The following KIF16B variants were observed in gnomAD, a reference collection of about 807,000 sequenced individuals.
KIF16B encodes the protein kinesin family member 16B.
In KIF16B, 98 loss-of-function variants were observed where a neutral mutation model predicts 156.3. The observed-to-expected ratio is 0.63, with a 90% CI of 0.53 to 0.74. The LOEUF is 0.74. Ranked by LOEUF, KIF16B falls within the 30% of genes least tolerant of loss-of-function variation. The pLI is 0.00. For synonymous variants in KIF16B, 564 were observed against 583.7 expected (o/e 0.97, Z 0.49); for missense variants, 1,421 against 1,606.5 (o/e 0.88, Z 1.97).
At chr20:16,280,072 A>G (rs186915353) in intron 25 of KIF16B, among the ~76,000 whole-genome samples, 4 of 152,380 alleles carry the variant, frequency 2.6e-5, no homozygotes, top group African/African-American at 9.6e-5. Flanking sequence ...GTGACCTACA[A>G]TACAATTTCA....
chr20:16,437,092 G>A (rs1418774282), intron 12 of KIF16B, among the ~76,000 whole-genome samples: 2 of 152,194 alleles, frequency 1.3e-5, no homozygotes, highest in Admixed American at 6.5e-5. Context: ...TACAATGTAA[G>A]TGTGATGTAA....
At chr20:16,312,640 A>C (rs1356124480) in intron 24 of KIF16B, among the ~76,000 whole-genome samples, 2 of 152,206 alleles carry the variant, frequency 1.3e-5, no homozygotes, top group Non-Finnish European at 2.9e-5. Flanking sequence ...AGACAGGACA[A>C]TGGGAACTCC....
chr20:16,397,506 A>AT (rs2065537991), intron 17 of KIF16B, among the ~76,000 whole-genome samples: 2 of 152,308 alleles, frequency 1.3e-5, no homozygotes, highest in Middle Eastern at 3.4e-3. Flanking sequence ...ACCACAGGGT[A>AT]TTTTTTAGAC....
chr20:16,396,896 C>T (rs1022643341), intron 17 of KIF16B, among the ~76,000 whole-genome samples: 2 of 113,942 alleles, frequency 1.8e-5, no homozygotes, highest in African/African-American at 8.4e-5. Flanking sequence ...CAGGTTTAAT[C>T]CTGATTTTTG....
intron 23 of KIF16B, among the ~76,000 whole-genome samples, chr20:16,345,716 T>C (rs1160581317): frequency 6.6e-6 from 1 of 152,192 alleles, no homozygotes; most frequent in Non-Finnish European, 1.5e-5. Context: ...CCTGTTAACC[T>C]ACACAGTTTA....
At chr20:16,521,463 T>C (rs1015282919) in intron 3 of KIF16B, among the ~76,000 whole-genome samples, 5 of 151,262 alleles carry the variant, frequency 3.3e-5, no homozygotes, top group Non-Finnish European at 7.4e-5. Context: ...GAAGACAAGA[T>C]TGGAGAAAAA....
intron 12 of KIF16B, among the ~76,000 whole-genome samples, chr20:16,444,208 A>C (rs1024487680): frequency 6.6e-6 from 1 of 152,258 alleles, no homozygotes; most frequent in Non-Finnish European, 1.5e-5. Flanking sequence ...ACTATTTGGC[A>C]GTGTCTTCTA....
At chr20:16,429,540 C>A (rs2066444941) in intron 13 of KIF16B, among the ~76,000 whole-genome samples, 1 of 152,120 alleles carries the variant, frequency 6.6e-6, no homozygotes, top group South Asian at 2.1e-4. Flanking sequence ...GGAAACTGTA[C>A]ATACAACAAA....
At chr20:16,537,794 C>T (rs2070035649) in intron 1 of KIF16B, among the ~76,000 whole-genome samples, 1 of 146,246 alleles carries the variant, frequency 6.8e-6, no homozygotes, top group Non-Finnish European at 1.5e-5. Flanking sequence ...ACCTCTGTCT[C>T]CTGGGCTCAA....
chr20:16,285,425 G>A (rs1371204839), intron 25 of KIF16B, among the ~76,000 whole-genome samples: 1 of 152,164 alleles, frequency 6.6e-6, no homozygotes, highest in African/African-American at 2.4e-5. Flanking sequence ...ATTCACCTGT[G>A]TTTTCCCAAA....
rs780099415 is a variant in KIF16B, at chr20:16,379,139, GTTC to G, written c.2860_2862del (p.Glu954del). ...GCATTGGCCTGGTACTGTGCAAGCT[GTTC>G]TTCTTTTTCTTCCATTTCCTTTTCT... On this transcript the variant is annotated inframe_deletion, in exon 19 of 26. Coordinates refer to ENST00000354981, the MANE Select transcript of KIF16B (RefSeq NM_024704.5). 15 of 1,614,054 alleles carry G rather than the reference GTTC, an allele frequency of 9.3e-6. No individual in the cohort carries two copies. Among genetic ancestry groups the G allele is most frequent in the Non-Finnish European group, 1.0e-5 (12 of 1,180,036 alleles).
intron 17 of KIF16B, among the ~76,000 whole-genome samples, chr20:16,391,969 CAA>C (rs2065377469): frequency 6.6e-6 from 1 of 152,192 alleles, no homozygotes; most frequent in South Asian, 2.1e-4. Context: ...AACACAATGA[CAA>C]GGAGTTACAG....
chr20:16,470,133 G>GC (rs1488404295), intron 12 of KIF16B, among the ~76,000 whole-genome samples: 1 of 152,090 alleles, frequency 6.6e-6, no homozygotes, highest in East Asian at 1.9e-4. Context: ...TTTAGAAAAG[G>GC]CAAAACTATG....
At position 16,431,878 on chromosome 20, in the gene KIF16B, T is replaced by A. The variant is rs1196294659; in HGVS notation, c.1303-1896A>T. 2.0e-5 allele frequency among the ~76,000 whole-genome samples: 3 copies of A among 146,998 alleles called. No homozygotes were observed. In the East Asian group the frequency reaches 6.0e-4, roughly 29 times the overall value. On this transcript the variant is annotated intron_variant, in intron 12 of 25. Coordinates refer to ENST00000354981, the MANE Select transcript of KIF16B (RefSeq NM_024704.5). ...ATTAGTGTGTATATATATATATACA[T>A]ATATATATATACTATCCATTTATAT... is the stretch of plus-strand genomic sequence containing the variant.
chr20:16,536,884 A>G (rs1329588302), intron 1 of KIF16B, among the ~76,000 whole-genome samples: 1 of 152,016 alleles, frequency 6.6e-6, no homozygotes, highest in East Asian at 1.9e-4. Context: ...AGGGGCTTTA[A>G]CTGTCATAGG....
At chr20:16,375,278 C>G (rs2064920503) in intron 19 of KIF16B, among the ~76,000 whole-genome samples, 1 of 152,204 alleles carries the variant, frequency 6.6e-6, no homozygotes, top group African/African-American at 2.4e-5. Flanking sequence ...GTCTCAATTT[C>G]TTCATGGATC....
intron 12 of KIF16B, among the ~76,000 whole-genome samples, chr20:16,471,015 TG>T (rs2146756333): frequency 6.6e-6 from 1 of 151,856 alleles, no homozygotes; most frequent in Non-Finnish European, 1.5e-5. Context: ...AAGAATCAAA[TG>T]GGAAGTGGAA....
At chr20:16,532,428 A>C (rs541409303) in intron 1 of KIF16B, among the ~76,000 whole-genome samples, 1 of 152,180 alleles carries the variant, frequency 6.6e-6, no homozygotes, top group Non-Finnish European at 1.5e-5. Context: ...AAGCCTGAAA[A>C]ATGCTTCCAC....
chr20:16,424,559 G>T (rs527589064), intron 15 of KIF16B, among the ~76,000 whole-genome samples: 13 of 152,060 alleles, frequency 8.5e-5, no homozygotes, highest in African/African-American at 3.1e-4. Flanking sequence ...TAAAGACTAC[G>T]TATAACATAC....
Sources: allele counts gnomAD v4.1 joint callset (sites outside exome capture counted in the v4.1 genomes callset), GRCh38; gene constraint gnomAD v4.1.1; transcripts MANE v1.5; gene names NCBI Gene and HGNC (gene_info 2026-07-23, HGNC 2026-07-21).